BACH2: variants seen among roughly 807,000 people sequenced by gnomAD.
BACH2 encodes BACH transcriptional regulator 2.
Under a neutral mutation model 61.8 loss-of-function variants are expected in BACH2, and 5 were observed. The ratio of observed to expected loss-of-function variants is 0.08; its 90% CI spans 0.04 to 0.17. The LOEUF (loss-of-function observed/expected upper bound fraction) is 0.17, where lower values mean the gene tolerates loss of function less well. Ranked by LOEUF, BACH2 falls within the 10% of genes least tolerant of loss-of-function variation. The pLI, the probability that BACH2 is intolerant of heterozygous loss-of-function variation, is 1.00. For synonymous variants in BACH2, 446 were observed against 440.1 expected, an observed-to-expected ratio of 1.01 and a Z score of -0.17; for missense variants, 824 against 1,091.1, an observed-to-expected ratio of 0.76 and a Z score of 3.45.
rs190100979 is a variant in BACH2 at position 90,203,232 on chromosome 6, G to A, written c.-162+3337C>T. Among the ~76,000 whole-genome samples, 1,128 of 150,806 alleles carry A rather than the reference G, an allele frequency of 7.5e-3. 13 individuals are homozygous for A. The highest frequency in any genetic ancestry group is 0.024 in the African/African-American group (1,004 of 41,018). ...TCCAGACCAGCCTGGGTAACATGGC[G>A]AAACCCCATCTCTACAAAAAATACA... On this transcript the variant is annotated intron_variant, in intron 4 of 8. Transcript: ENST00000257749.
At chr6:90,101,513 G>T (rs117099529) in intron 4 of BACH2, among the ~76,000 whole-genome samples, 4,870 of 152,212 alleles carry the variant, frequency 0.032, 123 homozygotes, top group Middle Eastern at 0.11. Context: ...TCATCAAATT[G>T]TTCTGGAACC....
intron 2 of BACH2, among the ~76,000 whole-genome samples, chr6:90,266,336 T>C (rs920775305): frequency 3.9e-5 from 6 of 152,132 alleles, no homozygotes; most frequent in Non-Finnish European, 8.8e-5. Flanking sequence ...AAAGAGCCTG[T>C]AGATGACCAA....
intron 5 of BACH2, among the ~76,000 whole-genome samples, chr6:90,080,304 A>G (rs1449999566): frequency 6.6e-6 from 1 of 152,146 alleles, no homozygotes; most frequent in Non-Finnish European, 1.5e-5. Flanking sequence ...CGGTGGCACC[A>G]CGCTTACCAA....
In BACH2 at chr6:89,951,303, G is replaced by A. The variant is rs1431330427; in HGVS notation, c.803C>T (p.Pro268Leu). 4.3e-6 allele frequency: 7 copies of A among 1,614,088 alleles called. No individual in the cohort carries two copies. In the Admixed American group the frequency reaches 5.0e-5, roughly 12 times the overall value. The change falls in exon 7 of 9, where the codon CCG becomes CTG. Residue 268 changes from proline to leucine, a missense_variant. Physicochemically the swap from Pro to Leu is moderately conservative, Grantham distance 98. Around this residue, in one of 8 missense-constraint regions of BACH2, gnomAD observed 226 missense variants for 228.5 expected, o/e 0.99. Transcript: ENST00000257749. The surrounding 1 kb of genome is among the most constrained non-coding windows in gnomAD (Gnocchi z 6.4). Reference sequence around the variant, plus strand: ...TTTAATCTGCCCCCTGGCAAGCCCCGGCTTGAGGCTGTTGCTAGAGTTATC... The same window carrying A: ...TTTAATCTGCCCCCTGGCAAGCCCCAGCTTGAGGCTGTTGCTAGAGTTATC... ...REDNSSNSLK[P>L]GLARGQIKSE...
intron 1 of BACH2, among the ~76,000 whole-genome samples, chr6:90,281,806 A>G (rs1381355256): frequency 6.6e-6 from 1 of 152,050 alleles, no homozygotes; most frequent in African/African-American, 2.4e-5. Flanking sequence ...ACAAACATTG[A>G]CTCATTTAAA....
At chr6:89,952,240 G>A in intron 6 of BACH2, 1 of 194,370 alleles carries the variant, frequency 5.1e-6, no homozygotes, top group Admixed American at 5.3e-5. Context: ...CGAGGGGGGA[G>A]TGTTGTGACA....
intron 6 of BACH2, among the ~76,000 whole-genome samples, chr6:89,998,486 G>A (rs535502525): frequency 9.7e-4 from 147 of 152,130 alleles, no homozygotes; most frequent in African/African-American, 3.5e-3. Flanking sequence ...TGGCAAAAAA[G>A]AACACTTCCG....
chr6:90,069,223 G>C (rs1447507494), intron 5 of BACH2, among the ~76,000 whole-genome samples: 1 of 152,138 alleles, frequency 6.6e-6, no homozygotes, highest in Admixed American at 6.5e-5. Context: ...ACAAGGACTT[G>C]GTTCCTGAAC....
intron 6 of BACH2, among the ~76,000 whole-genome samples, chr6:89,991,714 A>AT (rs563299729): frequency 0.024 from 3,531 of 147,418 alleles, 75 homozygotes; most frequent in African/African-American, 0.056. Context: ...TCCTTTATAG[A>AT]TTTTTTTTTT....
rs1772465687 is a variant in BACH2 at position 89,928,454 on chromosome 6, CCTT to C, written c.*3951_*3953del. 4 of 152,400 alleles carry C rather than the reference CCTT, an allele frequency of 2.6e-5. No homozygotes were observed. The highest frequency in any genetic ancestry group is 2.6e-4 in the Admixed American group (4 of 15,282). The allele number at this position is 152,400 out of a possible 1,614,324, so 9.4% of individuals were successfully genotyped here. ...TATCATTTTCAAACCTTTGTCTGTT[CCTT>C]CTTTTTCTTCTTCTTTGATGGCAAT... On this transcript the variant is annotated 3_prime_UTR_variant, in exon 9 of 9. Transcript: ENST00000257749.
Position 90,008,890 on chromosome 6 carries a change from A to T in BACH2, c.-12-34T>A, listed in dbSNP as rs1777554177. On this transcript the variant is annotated intron_variant, in intron 5 of 8. Coordinates refer to ENST00000257749, the MANE Select transcript of BACH2 (RefSeq NM_021813.4). The surrounding 1 kb of genome is among the most constrained non-coding windows in gnomAD (Gnocchi z 4.1). Reference sequence around the variant, plus strand: ...AAGAAAGAAACAAAGAAAGAAAGAAAGAAAGGCTGAGTCACCACAGCTGTA... The same window carrying T: ...AAGAAAGAAACAAAGAAAGAAAGAATGAAAGGCTGAGTCACCACAGCTGTA... The T allele has an allele frequency of 6.2e-7, 1 of 1,605,502 alleles. No homozygotes were observed. The highest frequency in any genetic ancestry group is 8.5e-7 in the Non-Finnish European group (1 of 1,175,220).
intron 4 of BACH2, among the ~76,000 whole-genome samples, chr6:90,109,868 G>T (rs1783091114): frequency 6.6e-6 from 1 of 151,984 alleles, no homozygotes; most frequent in African/African-American, 2.4e-5. Context: ...TCTCCAAAGA[G>T]TTCTTGATTA....
intron 3 of BACH2, among the ~76,000 whole-genome samples, chr6:90,210,788 A>T (rs1428728304): frequency 1.3e-5 from 2 of 152,200 alleles, no homozygotes; most frequent in Non-Finnish European, 2.9e-5. Context: ...CACTCAGCTG[A>T]TCCTAACAGT....
chr6:90,041,594 T>C (rs1013283125), intron 5 of BACH2, among the ~76,000 whole-genome samples: 6 of 152,176 alleles, frequency 3.9e-5, no homozygotes, highest in Non-Finnish European at 7.4e-5. Flanking sequence ...TGTTCTTCTA[T>C]GGTGGTTGGT....
At chr6:90,295,924 A>G (rs1772349632) in intron 1 of BACH2, among the ~76,000 whole-genome samples, 1 of 151,968 alleles carries the variant, frequency 6.6e-6, no homozygotes, top group African/African-American at 2.4e-5. Flanking sequence ...GGCGGCTGAC[A>G]GCTGAGCGCA....
At chr6:90,188,522 G>T (rs1015668718) in intron 4 of BACH2, among the ~76,000 whole-genome samples, 21 of 150,616 alleles carry the variant, frequency 1.4e-4, no homozygotes, top group Admixed American at 1.3e-3. Flanking sequence ...AATAAAACAC[G>T]AAGAAAAAAA....
intron 5 of BACH2, among the ~76,000 whole-genome samples, chr6:90,063,388 G>A (rs886397954): frequency 6.6e-6 from 1 of 152,120 alleles, no homozygotes. Context: ...ATTACATTAT[G>A]TTATGCCAAG....
Position 90,296,574 on chromosome 6 carries a change from G to C in BACH2, c.-540C>G, listed in dbSNP as rs1415237391. ...CGGCAGCCGGCGAGGTGGGCAGTTC[G>C]TGGGTCACCGAAAGCTCGCGGAGGG... is the stretch of plus-strand genomic sequence containing the variant. On this transcript the variant is annotated 5_prime_UTR_variant, in exon 1 of 9. Transcript: ENST00000257749. 6.6e-6 allele frequency: 1 copy of C among 151,734 alleles called. No individual in the cohort carries two copies. The highest frequency in any genetic ancestry group is 6.6e-5 in the Admixed American group (1 of 15,222). 9.4% of individuals were successfully genotyped at this position (151,734 alleles called of 1,614,324 possible). A position where few individuals can be genotyped will look rare whatever the true frequency, so the allele number is the denominator to read the frequency against.
chr6:90,182,930 T>A (rs1768218714), intron 4 of BACH2, among the ~76,000 whole-genome samples: 3 of 152,256 alleles, frequency 2.0e-5, no homozygotes, highest in Admixed American at 2.0e-4. Flanking sequence ...GGGGCGCATG[T>A]GCAGGTTTGT....
Sources: gnomAD v4.1 joint callset for allele counts (sites outside exome capture counted in the v4.1 genomes callset) on GRCh38, gnomAD v4.1.1 for gene constraint, gnomAD v4.1.1 regional missense constraint, Gnocchi (gnomAD v3.1) non-coding constraint, MANE v1.5 for transcripts, NCBI Gene and HGNC (gene_info 2026-07-23, HGNC 2026-07-21) for gene names.